PLEKHA5: variants seen among roughly 807,000 people sequenced by gnomAD.
The protein encoded by PLEKHA5 is pleckstrin homology domain containing A5, also known as pleckstrin homology domain-containing family A member 5.
PLEKHA5 carries 55 observed loss-of-function variants against 181.9 expected under a neutral mutation model. The observed-to-expected ratio is 0.30, with a 90% CI of 0.24 to 0.38. The LOEUF (loss-of-function observed/expected upper bound fraction) is 0.38. Among genes scored for constraint, PLEKHA5 ranks in the 10% least tolerant of loss-of-function variants. PLEKHA5 has a pLI of 1.00. For missense variants in PLEKHA5, 1,432 were observed against 1,549.5 expected, an observed-to-expected ratio of 0.92 and a Z score of 1.27; for synonymous variants, 535 against 529.4, an observed-to-expected ratio of 1.01 and a Z score of -0.15.
intron 11 of PLEKHA5, among the ~76,000 whole-genome samples, chr12:19,282,468 A>C (rs2076385748): frequency 6.6e-6 from 1 of 152,178 alleles, no homozygotes; most frequent in South Asian, 2.1e-4. Context: ...TTCAAACCAA[A>C]TGTACTGATG....
Position 19,242,544 on chromosome 12 carries a change from T to C in PLEKHA5, c.228-11396T>C, listed in dbSNP as rs144275670. Among the ~76,000 whole-genome samples, 824 of 152,238 alleles carry C rather than the reference T, an allele frequency of 5.4e-3. 5 individuals are homozygous for C. The highest frequency in any genetic ancestry group is 8.5e-3 in the Non-Finnish European group (581 of 68,004). On this transcript the variant is annotated intron_variant, in intron 3 of 31. Transcript: ENST00000429027. ...GCGTGAGCCACCACACCCAGCCCAT[T>C]TTGTAGATTCTCAGTGTGTATGCTG...
At chr12:19,271,487 G>T (rs1468583413) in intron 10 of PLEKHA5, among the ~76,000 whole-genome samples, 1 of 152,020 alleles carries the variant, frequency 6.6e-6, no homozygotes, top group Non-Finnish European at 1.5e-5. Context: ...CTAGACAACG[G>T]AGTGAGACCC....
At position 19,163,179 on chromosome 12, in the gene PLEKHA5, C is replaced by CT. The variant is rs762716561; in HGVS notation, c.227+30744dup. 9.8e-3 allele frequency among the ~76,000 whole-genome samples: 1,383 copies of CT among 141,598 alleles called. 9 individuals are homozygous for CT. The highest frequency in any genetic ancestry group is 0.023 in the African/African-American group (875 of 38,866). 92.9% of individuals were successfully genotyped at this position (141,598 alleles called of 152,430 possible). A position where few individuals can be genotyped will look rare whatever the true frequency, so the allele number is the denominator to read the frequency against. ...AACCAGGATCCAGAATTTGAATTCA[C>CT]TTTTTTTTTTTTTTTGAGATGGAGT... On this transcript the variant is annotated intron_variant, in intron 3 of 31. Transcript: ENST00000429027.
chr12:19,217,834 T>G (rs10841184), intron 3 of PLEKHA5, among the ~76,000 whole-genome samples: 102,155 of 152,146 alleles, frequency 0.67, 37,058 homozygotes, highest in Non-Finnish European at 0.82. Flanking sequence ...ATGAAAGAGC[T>G]GAGGGAAGAA....
intron 15 of PLEKHA5, chr12:19,306,896 C>G: frequency 2.5e-6 from 2 of 812,842 alleles, no homozygotes; most frequent in Non-Finnish European, 2.1e-6. Flanking sequence ...TAAGGCTTGT[C>G]TCTGTTGGCA....
intron 3 of PLEKHA5, among the ~76,000 whole-genome samples, chr12:19,246,830 C>G (rs1027813213): frequency 6.6e-6 from 1 of 151,980 alleles, no homozygotes; most frequent in Non-Finnish European, 1.5e-5. Context: ...GTACTTAATT[C>G]CATTGAATAC....
intron 3 of PLEKHA5, among the ~76,000 whole-genome samples, chr12:19,157,395 C>G (rs1406531381): frequency 2.0e-5 from 3 of 151,704 alleles, no homozygotes; most frequent in Non-Finnish European, 4.4e-5. Context: ...AGTAATGCAA[C>G]AAAATTTCTC....
intron 3 of PLEKHA5, among the ~76,000 whole-genome samples, chr12:19,210,220 C>A (rs1332726344): frequency 1.3e-5 from 2 of 152,152 alleles, no homozygotes; most frequent in African/African-American, 4.8e-5. Flanking sequence ...TAATATTTAT[C>A]TTTTCTTTCA....
chr12:19,276,393 T>C (rs990849930), intron 11 of PLEKHA5, among the ~76,000 whole-genome samples: 10 of 152,174 alleles, frequency 6.6e-5, no homozygotes, highest in Non-Finnish European at 1.0e-4. Flanking sequence ...CTCGTCTTGC[T>C]CAAGATTAAG....
At chr12:19,213,013 T>C (rs1036285753) in intron 3 of PLEKHA5, among the ~76,000 whole-genome samples, 7 of 151,962 alleles carry the variant, frequency 4.6e-5, no homozygotes, top group African/African-American at 1.7e-4. Context: ...ATCTACCACA[T>C]AGGGGAAATA....
At chr12:19,250,763 T>C (rs1273244410) in intron 3 of PLEKHA5, among the ~76,000 whole-genome samples, 2 of 152,336 alleles carry the variant, frequency 1.3e-5, no homozygotes, top group East Asian at 3.9e-4. Context: ...GTTAAAATTC[T>C]AATGCATTTT....
chr12:19,256,577 C>A (rs2066934488), intron 5 of PLEKHA5, among the ~76,000 whole-genome samples: 1 of 152,026 alleles, frequency 6.6e-6, no homozygotes, highest in Non-Finnish European at 1.5e-5. Context: ...AAATTAAAAT[C>A]TATCAAGAAA....
At chr12:19,250,578 C>T (rs923106730) in intron 3 of PLEKHA5, among the ~76,000 whole-genome samples, 8 of 151,566 alleles carry the variant, frequency 5.3e-5, no homozygotes, top group South Asian at 2.1e-4. Flanking sequence ...AGTGAAACTC[C>T]GTCTCCAAAA....
At chr12:19,139,890 A>C (rs745375284) in intron 3 of PLEKHA5, among the ~76,000 whole-genome samples, 17 of 152,306 alleles carry the variant, frequency 1.1e-4, no homozygotes, top group Non-Finnish European at 2.2e-4. Context: ...TATATAAAGA[A>C]AGACTTGGGG....
chr12:19,138,027 ATATT>A (rs1030688903), intron 3 of PLEKHA5, among the ~76,000 whole-genome samples: 2 of 152,110 alleles, frequency 1.3e-5, no homozygotes, highest in African/African-American at 4.8e-5. Flanking sequence ...AAGCTGGCCT[ATATT>A]TAGGAAGGGG....
intron 3 of PLEKHA5, among the ~76,000 whole-genome samples, chr12:19,139,701 C>T (rs569025846): frequency 2.0e-5 from 3 of 152,202 alleles, no homozygotes; most frequent in South Asian, 2.1e-4. Context: ...GTTTTGACTA[C>T]GTATATTGAA....
rs757710552 is a variant in PLEKHA5 at position 19,283,587 on chromosome 12, G to T, written c.1621G>T (p.Asp541Tyr). ...SSPKTMVNIS[D>Y]QTMHSIPTSP... ...TCCCAAAACCATGGTAAATATTTCT[G>T]ACCAGACAATGCACTCTATTCCCAC... The change falls in exon 12 of 32, where the codon GAC becomes TAC. Residue 541 changes from aspartate (D) to tyrosine (Y), a missense_variant. Coordinates refer to ENST00000429027, the MANE Select transcript of PLEKHA5 (RefSeq NM_001256470.2). 2 of 1,614,088 alleles carry T rather than the reference G, an allele frequency of 1.2e-6. No individual in the cohort carries two copies. The highest frequency in any genetic ancestry group is 3.3e-5 in the Admixed American group (2 of 60,012).
chr12:19,246,015 G>A (rs2063658183), intron 3 of PLEKHA5, among the ~76,000 whole-genome samples: 1 of 137,900 alleles, frequency 7.3e-6, no homozygotes, highest in African/African-American at 2.7e-5. Context: ...GTCTCACTCT[G>A]TCGCCCAGGC....
At chr12:19,344,490 G>A (rs2094174800) in intron 22 of PLEKHA5, among the ~76,000 whole-genome samples, 1 of 152,148 alleles carries the variant, frequency 6.6e-6, no homozygotes, top group African/African-American at 2.4e-5. Context: ...CATATTGATG[G>A]ATAATGTATG....
Sources: allele counts gnomAD v4.1 joint callset (sites outside exome capture counted in the v4.1 genomes callset), GRCh38; gene constraint gnomAD v4.1.1; transcripts MANE v1.5; gene names NCBI Gene and HGNC (gene_info 2026-07-23, HGNC 2026-07-21).